KIF15: variants seen among roughly 807,000 people sequenced by gnomAD.
KIF15 encodes kinesin family member 15.
A neutral mutation model predicts 190.6 loss-of-function variants in KIF15; 140 were observed. The ratio of observed to expected loss-of-function variants is 0.73; its 90% CI spans 0.64 to 0.84. The LOEUF (loss-of-function observed/expected upper bound fraction) is 0.84, where lower values mean the gene tolerates loss of function less well. Among genes scored for constraint, KIF15 ranks in the 40% least tolerant of loss-of-function variants. KIF15 has a pLI of 0.00. For synonymous variants in KIF15, 528 were observed against 551.3 expected, an observed-to-expected ratio of 0.96 and a Z score of 0.59; for missense variants, 1,372 against 1,584.4, an observed-to-expected ratio of 0.87 and a Z score of 2.28.
chr3:44,821,307 A>AC (rs544527769), intron 20 of KIF15, among the ~76,000 whole-genome samples: 1,856 of 139,228 alleles, frequency 0.013, 31 homozygotes, highest in African/African-American at 0.047. Flanking sequence ...GCGGTGGGTG[A>AC]CCCCCACCTC....
intron 8 of KIF15, among the ~76,000 whole-genome samples, chr3:44,795,563 A>G (rs1048942994): frequency 3.8e-4 from 58 of 152,210 alleles, no homozygotes; most frequent in African/African-American, 1.3e-3. Flanking sequence ...CCACAGAAAA[A>G]GATGACCACT....
chr3:44,808,920 C>T (rs1707654098), intron 16 of KIF15, among the ~76,000 whole-genome samples: 1 of 152,206 alleles, frequency 6.6e-6, no homozygotes, highest in Non-Finnish European at 1.5e-5. Context: ...TTAACTGGTA[C>T]CTACCTCATT....
At position 44,862,414 on chromosome 3, in the gene KIF15, T is replaced by C. The variant is rs1425419488; in HGVS notation, c.*59+9620T>C. ...TCCCTTACCAGGGACCTAAAACCTT[T>C]TCTCCGGTTGGGCTAGTTCGCTCTC... On this transcript the variant is annotated intron_variant and NMD_transcript_variant, in intron 6 of 6. Coordinates refer to the KIF15 transcript ENST00000422209. 4 of 153,526 alleles carry C rather than the reference T, an allele frequency of 2.6e-5. No homozygotes were observed. The East Asian group carries it at 7.7e-4, about 30-fold the overall frequency. 9.5% of individuals were successfully genotyped at this position (153,526 alleles called of 1,614,324 possible).
intron 16 of KIF15, among the ~76,000 whole-genome samples, chr3:44,806,560 G>A (rs781605841): frequency 1.8e-4 from 27 of 152,130 alleles, no homozygotes; most frequent in Non-Finnish European, 2.8e-4. Context: ...AGTACACAAG[G>A]AAAACAAAAG....
chr3:44,830,880 A>T lies in KIF15; in HGVS notation c.3049-16A>T. 1 of 1,606,162 alleles carries T rather than the reference A, an allele frequency of 6.2e-7. No homozygotes were observed. The highest frequency in any genetic ancestry group is 2.2e-5 in the East Asian group (1 of 44,808). On this transcript the variant is annotated splice_polypyrimidine_tract_variant and intron_variant, in intron 25 of 34. Transcript: ENST00000326047. ...GAAATAAAATGGCTCTTATAGCATG[A>T]CTTTCTTTTCTACAGTGCAAATACA...
chr3:44,864,803 C>T (rs1244709930), intron 6 of KIF15, among the ~76,000 whole-genome samples: 1 of 152,172 alleles, frequency 6.6e-6, no homozygotes, highest in African/African-American at 2.4e-5. Flanking sequence ...CTGGCATCTG[C>T]TGGGTCTTTC....
Position 44,826,286 on chromosome 3 carries a change from A to C in KIF15, c.2701-89A>C, listed in dbSNP as rs562903221. ...TCCTCCTTCTTTGCTATACTTGCCC[A>C]CAGTGCCTGCCACATAGAAGGTACT... On this transcript the variant is annotated intron_variant, in intron 21 of 34. Coordinates refer to ENST00000326047, the MANE Select transcript of KIF15 (RefSeq NM_020242.3). The C allele has an allele frequency of 3.2e-5, 50 of 1,549,612 alleles. No homozygotes were observed. In the African/African-American group the frequency reaches 5.8e-4, roughly 18 times the overall value.
chr3:44,784,756 G>C, intron 5 of KIF15, 89 bp from the exon 6 acceptor site: 1 of 693,050 alleles, frequency 1.4e-6, no homozygotes, highest in East Asian at 2.8e-5. Flanking sequence ...TGATTGTATG[G>C]TGTATCATCT....
chr3:44,843,248 A>C lies in KIF15; in HGVS notation c.3695+14A>C, dbSNP rs923955826. 2 of 1,553,990 alleles carry C rather than the reference A, an allele frequency of 1.3e-6. No individual in the cohort carries two copies. Among genetic ancestry groups the C allele is most frequent in the African/African-American group, 2.7e-5 (2 of 73,638 alleles). ...AAAGGAAAACAGGTGAGAAAGAACC[A>C]CGAGAACTCTATGGGCTAAATCTTG... On this transcript the variant is annotated intron_variant, in intron 30 of 34. Coordinates refer to ENST00000326047, the MANE Select transcript of KIF15 (RefSeq NM_020242.3).
chr3:44,844,869 G>A (rs1199326818), intron 30 of KIF15, among the ~76,000 whole-genome samples: 6 of 152,166 alleles, frequency 3.9e-5, no homozygotes, highest in Admixed American at 3.9e-4. Context: ...GTAAATCAAG[G>A]CGACACAAGG....
At chr3:44,779,871 T>C in intron 4 of KIF15, among the ~76,000 whole-genome samples, 1 of 148,452 alleles carries the variant, frequency 6.7e-6, no homozygotes, top group East Asian at 2.0e-4. Flanking sequence ...GACTCAATAA[T>C]ATCCATTTCT....
At chr3:44,793,764 CT>C (rs1403031068) in intron 7 of KIF15, among the ~76,000 whole-genome samples, 15 of 151,924 alleles carry the variant, frequency 9.9e-5, no homozygotes, top group African/African-American at 3.6e-4. Context: ...TTCTTTTTCC[CT>C]ATGAAAGTAG....
intron 1 of KIF15, among the ~76,000 whole-genome samples, 183 bp from the exon 2 acceptor site, chr3:44,774,212 C>A (rs1368119102): frequency 6.6e-6 from 1 of 152,160 alleles, no homozygotes; most frequent in East Asian, 1.9e-4. Flanking sequence ...CTAGGTGTTA[C>A]AACCAGTAAT....
At chr3:44,867,970 A>AT (rs1699338480) in intron 6 of KIF15, among the ~76,000 whole-genome samples, 1 of 152,142 alleles carries the variant, frequency 6.6e-6, no homozygotes, top group African/African-American at 2.4e-5. Context: ...GTTTAATTTT[A>AT]TTTTTTAACT....
chr3:44,800,192 T>C (rs949011919), intron 10 of KIF15, 122 bp from the exon 11 acceptor site: 1 of 833,160 alleles, frequency 1.2e-6, no homozygotes, highest in Non-Finnish European at 1.9e-6. Context: ...CTTTTGACTA[T>C]GATGTGGTCT....
chr3:44,777,186 T>C (rs1034018513), intron 3 of KIF15, among the ~76,000 whole-genome samples: 4 of 151,960 alleles, frequency 2.6e-5, no homozygotes, highest in African/African-American at 7.2e-5. Context: ...TTTGTAGAGA[T>C]GGAGTCTTAC....
At chr3:44,795,858 T>C (rs1385742065) in intron 8 of KIF15, among the ~76,000 whole-genome samples, 1 of 152,088 alleles carries the variant, frequency 6.6e-6, no homozygotes, top group East Asian at 1.9e-4. Context: ...TTTCAGGCAA[T>C]CTGAAGCTCA....
Position 44,818,602 on chromosome 3 carries a change from T to G in KIF15, c.2549+3526T>G, listed in dbSNP as rs537955466. Among the ~76,000 whole-genome samples, 875 of 152,262 alleles carry G rather than the reference T, an allele frequency of 5.7e-3. 3 individuals are homozygous for G. Among genetic ancestry groups the G allele is most frequent in the Middle Eastern group, 0.014 (4 of 294 alleles). The stretch of plus-strand genomic sequence containing the variant: ...ATGCCATAGATACAGCCGACTTTAT[T>G]GTGGTGGATAAGCTTTTTGATGTGC... On this transcript the variant is annotated intron_variant, in intron 20 of 34. Coordinates refer to ENST00000326047, the MANE Select transcript of KIF15 (RefSeq NM_020242.3).
chr3:44,794,531 G>A lies in KIF15; in HGVS notation c.849+105G>A, dbSNP rs1706879048. On this transcript the variant is annotated intron_variant, in intron 8 of 34. Coordinates refer to ENST00000326047, the MANE Select transcript of KIF15 (RefSeq NM_020242.3). ...TCAGTCAATGAGGAACTGCATTTAT[G>A]ATGGGGGTCCCTTAAGAGTATAATA... 5.0e-6 allele frequency: 4 copies of A among 807,996 alleles called. No individual in the cohort carries two copies. The South Asian group carries it at 7.6e-5, about 15-fold the overall frequency. The allele number at this position is 807,996 out of a possible 1,614,324, so 50.1% of individuals were successfully genotyped here.
Sources: allele counts gnomAD v4.1 joint callset (sites outside exome capture counted in the v4.1 genomes callset), GRCh38; gene constraint gnomAD v4.1.1; transcripts MANE v1.5; gene names NCBI Gene and HGNC (gene_info 2026-07-23, HGNC 2026-07-21).